The following EXOC6B variants were observed in gnomAD, a reference collection of about 807,000 sequenced individuals.
The protein encoded by EXOC6B is SEC15 homolog B.
EXOC6B carries 54 observed loss-of-function variants against 113.5 expected under a neutral mutation model. The observed-to-expected ratio is 0.48, with a 90% CI of 0.38 to 0.60. The LOEUF is 0.60. EXOC6B is among the 20% of genes least tolerant of loss of function. EXOC6B has a pLI of 0.00. For synonymous variants in EXOC6B, 357 were observed against 339.0 expected (o/e 1.05, Z -0.58); for missense variants, 797 against 977.5 (o/e 0.82, Z 2.46).
intron 19 of EXOC6B, among the ~76,000 whole-genome samples, chr2:72,348,607 T>G (rs1689468440): frequency 1.3e-5 from 2 of 152,144 alleles, no homozygotes; most frequent in South Asian, 4.1e-4. Flanking sequence ...ATATAACGTT[T>G]TTAAAATGAA....
chr2:72,744,960 A>G (rs1020344496), intron 1 of EXOC6B, among the ~76,000 whole-genome samples: 1 of 152,150 alleles, frequency 6.6e-6, no homozygotes, highest in Non-Finnish European at 1.5e-5. Context: ...TTAGCTTGCT[A>G]TATATAGGTC....
chr2:72,648,439 C>CA (rs1346406387), intron 6 of EXOC6B, among the ~76,000 whole-genome samples: 1 of 152,142 alleles, frequency 6.6e-6, no homozygotes, highest in African/African-American at 2.4e-5. Context: ...GGTATATACC[C>CA]AAAGGATTAT....
Position 72,369,695 on chromosome 2 carries a change from A to G in EXOC6B, c.2122+10034T>C, listed in dbSNP as rs373904545. Reference sequence around the variant, plus strand: ...ACCAATGGAACAGAACAGAGCCCTCAGAAATAATACTACACATCTACAACT... The same window carrying G: ...ACCAATGGAACAGAACAGAGCCCTCGGAAATAATACTACACATCTACAACT... On this transcript the variant is annotated intron_variant, in intron 19 of 21. Coordinates refer to ENST00000272427, the MANE Select transcript of EXOC6B (RefSeq NM_015189.3). Among the ~76,000 whole-genome samples, 47 of 152,338 alleles carry G rather than the reference A, an allele frequency of 3.1e-4. 1 individual carries two copies. In the East Asian group the frequency reaches 6.9e-3, roughly 22 times the overall value.
At chr2:72,493,597 C>G (rs932218999) in intron 15 of EXOC6B, among the ~76,000 whole-genome samples, 5 of 151,762 alleles carry the variant, frequency 3.3e-5, no homozygotes, top group African/African-American at 1.2e-4. Flanking sequence ...TAATGTGAAA[C>G]AGGATCTCTC....
rs1266082670 is a variant in EXOC6B at position 72,184,137 on chromosome 2, A to G, written c.2247T>C (p.Tyr749=). The G allele has an allele frequency of 1.3e-6, 2 of 1,564,272 alleles. No homozygotes were observed. The highest frequency in any genetic ancestry group is 2.4e-5 in the East Asian group (1 of 42,090). Reference sequence around the variant, plus strand: ...GGAGGTACTTGCAGTTGGGCTGACCATAGTCAGCAAGGTAGGTTGACCAAT... The same window carrying G: ...GGAGGTACTTGCAGTTGGGCTGACCGTAGTCAGCAAGGTAGGTTGACCAAT... The part of the protein sequence containing the change: ...QWDWSTYLAD[Y]GQPNCKYLRV... The change falls in exon 21 of 22, where the codon TAT becomes TAC. Residue 749 remains tyrosine (Y), a synonymous_variant. Transcript: ENST00000272427.
chr2:72,653,357 G>A (rs2104412495), intron 6 of EXOC6B, among the ~76,000 whole-genome samples: 1 of 132,464 alleles, frequency 7.5e-6, no homozygotes, highest in South Asian at 2.6e-4. Flanking sequence ...ATTGAACAAT[G>A]AGAACACATG....
intron 1 of EXOC6B, among the ~76,000 whole-genome samples, chr2:72,814,946 G>A (rs1387667609): frequency 6.6e-6 from 1 of 152,182 alleles, no homozygotes; most frequent in Non-Finnish European, 1.5e-5. Flanking sequence ...AACCGAGATC[G>A]TGCCACTGCA....
chr2:72,618,445 T>C (rs1175139108), intron 6 of EXOC6B, among the ~76,000 whole-genome samples: 1 of 152,148 alleles, frequency 6.6e-6, no homozygotes, highest in African/African-American at 2.4e-5. Flanking sequence ...CAAAGGACAA[T>C]GACATCTTCA....
At chr2:72,223,476 T>C (rs1319957435) in intron 20 of EXOC6B, among the ~76,000 whole-genome samples, 1 of 152,228 alleles carries the variant, frequency 6.6e-6, no homozygotes, top group African/African-American at 2.4e-5. Context: ...CTCTGATTAC[T>C]ATCCTGTTAA....
intron 17 of EXOC6B, among the ~76,000 whole-genome samples, chr2:72,474,756 A>T (rs1402367010): frequency 6.6e-6 from 1 of 152,074 alleles, no homozygotes; most frequent in African/African-American, 2.4e-5. Context: ...CTGAGATTTC[A>T]TTAATTTCTC....
At chr2:72,642,759 C>T (rs1673360377) in intron 6 of EXOC6B, among the ~76,000 whole-genome samples, 1 of 151,584 alleles carries the variant, frequency 6.6e-6, no homozygotes, top group Non-Finnish European at 1.5e-5. Context: ...ACAAAATTGA[C>T]AAATGGGATC....
At chr2:72,327,225 G>C (rs188158636) in intron 20 of EXOC6B, among the ~76,000 whole-genome samples, 156 of 152,162 alleles carry the variant, frequency 1.0e-3, no homozygotes, top group African/African-American at 3.7e-3. Context: ...AGAACCAACT[G>C]TTTGGGGCTT....
intron 2 of EXOC6B, among the ~76,000 whole-genome samples, chr2:72,734,146 G>GT (rs1680811950): frequency 6.6e-6 from 1 of 152,128 alleles, no homozygotes; most frequent in Non-Finnish European, 1.5e-5. Context: ...CAAGGAGCTA[G>GT]TTTTTTAAAA....
chr2:72,489,726 T>C (rs1168550301), intron 16 of EXOC6B, among the ~76,000 whole-genome samples: 2 of 152,162 alleles, frequency 1.3e-5, no homozygotes, highest in Non-Finnish European at 2.9e-5. Flanking sequence ...ATAGACCTTA[T>C]GAAGCAGCCC....
chr2:72,510,658 T>C (rs762497902), intron 11 of EXOC6B, among the ~76,000 whole-genome samples: 2 of 151,614 alleles, frequency 1.3e-5, no homozygotes, highest in African/African-American at 2.4e-5. Flanking sequence ...GGACTTTACA[T>C]TTATATATCA....
intron 17 of EXOC6B, among the ~76,000 whole-genome samples, chr2:72,472,337 T>C (rs1399031074): frequency 6.6e-6 from 1 of 152,138 alleles, no homozygotes; most frequent in Non-Finnish European, 1.5e-5. Context: ...CACCTGGTTC[T>C]GGGCTTTTCT....
At chr2:72,335,716 A>G (rs1688656151) in intron 19 of EXOC6B, among the ~76,000 whole-genome samples, 1 of 152,078 alleles carries the variant, frequency 6.6e-6, no homozygotes, top group Non-Finnish European at 1.5e-5. Flanking sequence ...ACATTTGCAC[A>G]TGTCTGTCCT....
chr2:72,537,012 T>A (rs1452712819), intron 8 of EXOC6B, among the ~76,000 whole-genome samples: 2 of 152,236 alleles, frequency 1.3e-5, no homozygotes, highest in Admixed American at 1.3e-4. Context: ...TATTTTAGGT[T>A]AATTTCTATG....
At position 72,646,727 on chromosome 2, in the gene EXOC6B, A is replaced by G. The variant is rs139091679; in HGVS notation, c.670-71059T>C. On this transcript the variant is annotated intron_variant, in intron 6 of 21. Transcript: ENST00000272427. ...CATGATTATCTCAATAGATGCAGAAAAGGCCTTCGACAAAATTCAACAGCC... is the reference window on the plus strand; with the variant it reads ...CATGATTATCTCAATAGATGCAGAAGAGGCCTTCGACAAAATTCAACAGCC... Among the ~76,000 whole-genome samples, 732 of 152,344 alleles carry G rather than the reference A, an allele frequency of 4.8e-3. 5 individuals carry two copies. The highest frequency in any genetic ancestry group is 0.016 in the African/African-American group (674 of 41,574).
Sources: allele counts gnomAD v4.1 joint callset (sites outside exome capture counted in the v4.1 genomes callset), GRCh38; gene constraint gnomAD v4.1.1; transcripts MANE v1.5; gene names NCBI Gene and HGNC (gene_info 2026-07-23, HGNC 2026-07-21).